The following KCNIP4 variants were observed in gnomAD, a reference collection of about 807,000 sequenced individuals.
KCNIP4 encodes Kv channel-interacting protein 4.
KCNIP4 carries 12 observed loss-of-function variants against 34.0 expected under a neutral mutation model. That is an observed-to-expected ratio of 0.35 (90% CI 0.23 to 0.57). The LOEUF (loss-of-function observed/expected upper bound fraction) is 0.57. Ranked by LOEUF, KCNIP4 falls within the 20% of genes least tolerant of loss-of-function variation. The pLI, the probability that KCNIP4 is intolerant of heterozygous loss-of-function variation, is 0.83. For missense variants in KCNIP4, 238 were observed against 311.7 expected (o/e 0.76, Z 1.78); for synonymous variants, 124 against 102.2 (o/e 1.21, Z -1.29).
intron 3 of KCNIP4, among the ~76,000 whole-genome samples, chr4:20,785,160 G>T (rs1371052715): frequency 6.6e-6 from 1 of 152,046 alleles, no homozygotes; most frequent in Non-Finnish European, 1.5e-5. Context: ...AGATTAGGAT[G>T]GGGGAAGAGG....
chr4:21,083,814 C>T (rs1746202056), intron 1 of KCNIP4, among the ~76,000 whole-genome samples: 2 of 151,950 alleles, frequency 1.3e-5, no homozygotes, highest in African/African-American at 4.8e-5. Context: ...ACTAGCACAA[C>T]TCTCTTCTTT....
intron 1 of KCNIP4, among the ~76,000 whole-genome samples, chr4:21,477,665 T>C (rs929260063): frequency 2.6e-5 from 4 of 152,196 alleles, no homozygotes; most frequent in Admixed American, 1.3e-4. Flanking sequence ...ACTTGAAAAA[T>C]CATTATGCTA....
intron 1 of KCNIP4, among the ~76,000 whole-genome samples, chr4:21,061,731 C>T (rs1000925302): frequency 2.0e-5 from 3 of 152,072 alleles, no homozygotes; most frequent in African/African-American, 7.2e-5. Context: ...AAATTGTGCC[C>T]CTTGAAATTT....
chr4:21,257,052 CTAAA>C (rs1221264197), intron 1 of KCNIP4, among the ~76,000 whole-genome samples: 5 of 152,292 alleles, frequency 3.3e-5, no homozygotes, highest in Admixed American at 2.0e-4. Context: ...ACAGTAGGTG[CTAAA>C]TAAATAAACA....
intron 3 of KCNIP4, among the ~76,000 whole-genome samples, chr4:20,791,538 C>A (rs2149404526): frequency 6.6e-6 from 1 of 152,154 alleles, no homozygotes; most frequent in East Asian, 1.9e-4. Context: ...AATGGAAGTA[C>A]ACTCTTGTAA....
chr4:21,072,811 T>C (rs577451796), intron 1 of KCNIP4, among the ~76,000 whole-genome samples: 1 of 152,228 alleles, frequency 6.6e-6, no homozygotes, highest in African/African-American at 2.4e-5. Context: ...CCACCTTGAA[T>C]TAATTTTCAT....
At chr4:21,784,871 T>G (rs1255112971) in intron 1 of KCNIP4, among the ~76,000 whole-genome samples, 1 of 152,184 alleles carries the variant, frequency 6.6e-6, no homozygotes, top group African/African-American at 2.4e-5. Flanking sequence ...CAATGTTGAG[T>G]TGACATTACT....
intron 1 of KCNIP4, among the ~76,000 whole-genome samples, chr4:21,396,010 C>T (rs1328234158): frequency 2.6e-5 from 4 of 151,180 alleles, no homozygotes; most frequent in Non-Finnish European, 5.9e-5. Flanking sequence ...GCAGGCAGAC[C>T]ATGCTGAATA....
chr4:21,268,715 T>C (rs1312102712), intron 1 of KCNIP4, among the ~76,000 whole-genome samples: 1 of 152,184 alleles, frequency 6.6e-6, no homozygotes, highest in Non-Finnish European at 1.5e-5. Flanking sequence ...TTCACCAATA[T>C]TTTCCAAACA....
At position 21,541,126 on chromosome 4, in the gene KCNIP4, G is replaced by A. The variant is rs1184765698; in HGVS notation, c.61+407445C>T. On this transcript the variant is annotated intron_variant, in intron 1 of 8. Transcript: ENST00000382152. ...ACAGAGGTTGCAGCTGGCCGAGACT[G>A]TGCCATTGCACTCCAGCCTGAGCAA... 4.8e-5 allele frequency among the ~76,000 whole-genome samples: 7 copies of A among 146,848 alleles called. No homozygotes were observed. In the Admixed American group the frequency reaches 4.9e-4, roughly 10 times the overall value.
At chr4:21,923,073 C>T (rs747656353) in intron 1 of KCNIP4, among the ~76,000 whole-genome samples, 1 of 152,086 alleles carries the variant, frequency 6.6e-6, no homozygotes, top group Admixed American at 6.6e-5. Context: ...CTCAATTTAT[C>T]CTCCTTCTCA....
At chr4:20,901,115 T>C (rs538487983) in intron 1 of KCNIP4, among the ~76,000 whole-genome samples, 5 of 152,190 alleles carry the variant, frequency 3.3e-5, no homozygotes, top group Non-Finnish European at 7.4e-5. Context: ...TTAACAATGA[T>C]AGCAACACAA....
chr4:20,908,843 T>C (rs1728056002), intron 1 of KCNIP4, among the ~76,000 whole-genome samples: 1 of 152,238 alleles, frequency 6.6e-6, no homozygotes, highest in South Asian at 2.1e-4. Flanking sequence ...CATTTAGTTC[T>C]TTGAGAGGTT....
chr4:21,673,036 T>G lies in KCNIP4; in HGVS notation c.61+275535A>C, dbSNP rs1012710849. On this transcript the variant is annotated intron_variant, in intron 1 of 8. Coordinates refer to ENST00000382152, the MANE Select transcript of KCNIP4 (RefSeq NM_025221.6). ...AGAGAGAAAAAGCAACCAGAATAAA[T>G]ACTGCAGCACTTTTTTAACCCCAAC... Among the ~76,000 whole-genome samples the G allele has an allele frequency of 2.0e-5, 3 of 152,242 alleles. No individual in the cohort carries two copies. In the South Asian group the frequency reaches 6.2e-4, roughly 32 times the overall value.
chr4:20,907,081 T>C (rs1727848385), intron 1 of KCNIP4, among the ~76,000 whole-genome samples: 1 of 152,166 alleles, frequency 6.6e-6, no homozygotes, highest in Admixed American at 6.5e-5. Context: ...GTGTAGTCCT[T>C]GGTAAGAAAA....
rs568320484 is a variant in KCNIP4, at chr4:20,744,019, T to C, written c.429+5643A>G. The stretch of plus-strand genomic sequence containing the variant: ...CACCAGACACATGAAAAAATGCTCA[T>C]CATCACTGGCCATCAGAGAAATGCA... On this transcript the variant is annotated intron_variant, in intron 5 of 8. Coordinates refer to ENST00000382152, the MANE Select transcript of KCNIP4 (RefSeq NM_025221.6). 7.6e-4 allele frequency among the ~76,000 whole-genome samples: 115 copies of C among 151,956 alleles called. 2 individuals are homozygous for C. The highest frequency in any genetic ancestry group is 2.5e-3 in the African/African-American group (103 of 41,420).
intron 1 of KCNIP4, among the ~76,000 whole-genome samples, chr4:21,637,367 G>T (rs1746265643): frequency 6.6e-6 from 1 of 152,074 alleles, no homozygotes; most frequent in African/African-American, 2.4e-5. Context: ...AGCATAAATA[G>T]CTACTCACAT....
chr4:20,873,081 G>A lies in KCNIP4; in HGVS notation c.163+9527C>T, dbSNP rs114930403. Among the ~76,000 whole-genome samples the A allele has an allele frequency of 2.5e-3, 384 of 151,898 alleles. 2 individuals are homozygous for A. The highest frequency in any genetic ancestry group is 4.2e-3 in the Non-Finnish European group (284 of 67,974). On this transcript the variant is annotated intron_variant, in intron 2 of 8. Coordinates refer to ENST00000382152, the MANE Select transcript of KCNIP4 (RefSeq NM_025221.6). ...ATTGTTTTTCAATATTTCCAATTAC[G>A]CACAATTCCACCATGTGTTTCAAAT... is the stretch of plus-strand genomic sequence containing the variant.
At chr4:21,306,873 T>A (rs1034285842) in intron 1 of KCNIP4, among the ~76,000 whole-genome samples, 1 of 151,628 alleles carries the variant, frequency 6.6e-6, no homozygotes, top group African/African-American at 2.4e-5. Context: ...CACATTGGAG[T>A]GCAATGGTGA....
Sources: gnomAD v4.1 joint callset for allele counts (sites outside exome capture counted in the v4.1 genomes callset) on GRCh38, gnomAD v4.1.1 for gene constraint, MANE v1.5 for transcripts, NCBI Gene and HGNC (gene_info 2026-07-23, HGNC 2026-07-21) for gene names.